The following FBXO32 variants were observed in gnomAD, a reference collection of about 807,000 sequenced individuals.
FBXO32 encodes the protein F-box only protein 32.
Under a neutral mutation model 48.3 loss-of-function variants are expected in FBXO32, and 15 were observed. The ratio of observed to expected loss-of-function variants is 0.31; its 90% CI spans 0.21 to 0.48. FBXO32 has a LOEUF of 0.48. Among genes scored for constraint, FBXO32 ranks in the 20% least tolerant of loss-of-function variants. The pLI, the probability that FBXO32 is intolerant of heterozygous loss-of-function variation, is 0.99. For missense variants in FBXO32, 309 were observed against 432.7 expected, an observed-to-expected ratio of 0.71 and a Z score of 2.54; for synonymous variants, 154 against 165.9, an observed-to-expected ratio of 0.93 and a Z score of 0.55.
At chr8:123,504,217 A>G (rs1586986689) in intron 8 of FBXO32, among the ~76,000 whole-genome samples, 2 of 152,212 alleles carry the variant, frequency 1.3e-5, no homozygotes, top group East Asian at 3.8e-4. Flanking sequence ...TAATCTTGAC[A>G]AATTACATGA....
chr8:123,505,791 G>A (rs1816604418), intron 7 of FBXO32, among the ~76,000 whole-genome samples: 1 of 152,250 alleles, frequency 6.6e-6, no homozygotes, highest in Non-Finnish European at 1.5e-5. Context: ...GTAAGTTATT[G>A]TGTTATAGAA....
At chr8:123,532,367 A>G (rs1400428477) in intron 3 of FBXO32, among the ~76,000 whole-genome samples, 1 of 152,128 alleles carries the variant, frequency 6.6e-6, no homozygotes, top group Non-Finnish European at 1.5e-5. Context: ...ACTGTAACGT[A>G]CTCCTGGGAG....
At chr8:123,531,764 T>C (rs1817214688) in intron 4 of FBXO32, 134 bp downstream of exon 4, 1 of 975,920 alleles carries the variant, frequency 1.0e-6, no homozygotes, top group East Asian at 2.6e-5. Flanking sequence ...GATTGAGGGG[T>C]CTGTTTTCTG....
chr8:123,534,735 T>G lies in FBXO32; in HGVS notation c.196A>C (p.Lys66Gln). Residue 66 changes from lysine to glutamine, a missense_variant, in exon 2 of 9, where the codon AAG becomes CAG. Lys to Gln is a moderately conservative substitution (Grantham distance 53). Coordinates refer to ENST00000517956, the MANE Select transcript of FBXO32 (RefSeq NM_058229.4). Reference protein sequence around the residue: ...NYDVAAKKRKKDMLNSKTKTQ... With the variant: ...NYDVAAKKRKQDMLNSKTKTQ... ...TTGGTTTTGCTATTCAGCATGTCCTTCTTTCTCTTCTTGGCTGCAACATCA... is the reference window on the plus strand; with the variant it reads ...TTGGTTTTGCTATTCAGCATGTCCTGCTTTCTCTTCTTGGCTGCAACATCA... 1 of 1,613,912 alleles carries G rather than the reference T, an allele frequency of 6.2e-7. No homozygotes were observed. Among genetic ancestry groups the G allele is most frequent in the Non-Finnish European group, 8.5e-7 (1 of 1,179,840 alleles).
At position 123,501,383 on chromosome 8, in the gene FBXO32, A is replaced by ACAAAAAAAAC. The variant is rs1816483221; in HGVS notation, c.*1989_*1990insGTTTTTTTTG. On this transcript the variant is annotated 3_prime_UTR_variant, in exon 9 of 9. Coordinates refer to ENST00000517956, the MANE Select transcript of FBXO32 (RefSeq NM_058229.4). ...GATTGCAAAAAAAAAACAAAAAAAAACAAAACAAAACACACACCTTAGATA... is the reference window on the plus strand; with the variant it reads ...GATTGCAAAAAAAAAACAAAAAAAAACAAAAAAAACCAAAACAAAACACACACCTTAGATA... 1 of 151,810 alleles carries ACAAAAAAAAC rather than the reference A, an allele frequency of 6.6e-6. No individual in the cohort carries two copies. Among genetic ancestry groups the ACAAAAAAAAC allele is most frequent in the South Asian group, 2.1e-4 (1 of 4,822 alleles). The allele number at this position is 151,810 out of a possible 1,614,324, so 9.4% of individuals were successfully genotyped here.
rs187198065 is a variant in FBXO32, at chr8:123,513,793, G to C, written c.467-411C>G. On this transcript the variant is annotated intron_variant, in intron 5 of 8. Coordinates refer to ENST00000517956, the MANE Select transcript of FBXO32 (RefSeq NM_058229.4). This position sits in a 1 kb window ranked among gnomAD's most constrained non-coding sequence, Gnocchi z 4.3. ...CTGGCTGACTCTCTGTGTGATTATGGACAAATCACTTCTCCTCATGGGCCT... is the reference window on the plus strand; with the variant it reads ...CTGGCTGACTCTCTGTGTGATTATGCACAAATCACTTCTCCTCATGGGCCT... 6.6e-6 allele frequency among the ~76,000 whole-genome samples: 1 copy of C among 152,242 alleles called. No homozygotes were observed. Among genetic ancestry groups the C allele is most frequent in the African/African-American group, 2.4e-5 (1 of 41,524 alleles).
chr8:123,528,846 T>C (rs1017449329), intron 4 of FBXO32, among the ~76,000 whole-genome samples: 3 of 152,110 alleles, frequency 2.0e-5, no homozygotes, highest in African/African-American at 7.2e-5. Context: ...TTTGTTTTTG[T>C]TTTTTTCCCA....
chr8:123,532,048 A>T, intron 3 of FBXO32, 58 bp from the exon 4 acceptor site: 1 of 1,607,110 alleles, frequency 6.2e-7, no homozygotes. Context: ...TCACCCAAGT[A>T]AGAATGAGCC....
In FBXO32 at chr8:123,541,110, C is replaced by A. The variant is rs761170084; in HGVS notation, c.-96G>T. The A allele has an allele frequency of 1.6e-5, 11 of 683,740 alleles. No homozygotes were observed. The highest frequency in any genetic ancestry group is 2.3e-5 in the Non-Finnish European group (11 of 470,882). 42.4% of individuals were successfully genotyped at this position (683,740 alleles called of 1,614,324 possible). A position where few individuals can be genotyped will look rare whatever the true frequency, so the allele number is the denominator to read the frequency against. The stretch of plus-strand genomic sequence containing the variant: ...GGCGGATGCTCGGGGTGCAGGGGCC[C>A]GCGACGGGGGCGGCGGGGCGGCGGG... On this transcript the variant is annotated 5_prime_UTR_variant, in exon 1 of 9. Transcript: ENST00000517956.
intron 4 of FBXO32, among the ~76,000 whole-genome samples, chr8:123,514,713 C>T (rs7824506): frequency 0.012 from 1,856 of 152,342 alleles, 26 homozygotes; most frequent in African/African-American, 0.043. Context: ...TCTGCCCCCG[C>T]TTGAACTTCT....
chr8:123,515,187 A>G (rs1360549208), intron 4 of FBXO32, among the ~76,000 whole-genome samples: 6 of 152,212 alleles, frequency 3.9e-5, no homozygotes, highest in Non-Finnish European at 7.4e-5. Flanking sequence ...GAATGCACAT[A>G]AAGCCCTCAG....
Position 123,525,410 on chromosome 8 carries a change from G to C in FBXO32, c.372+6488C>G, listed in dbSNP as rs1174237367. 2.0e-5 allele frequency among the ~76,000 whole-genome samples: 3 copies of C among 152,136 alleles called. No homozygotes were observed. The highest frequency in any genetic ancestry group is 4.4e-5 in the Non-Finnish European group (3 of 68,028). ...CTCAAGTTCTCCGTGACCTTTCTGGGCTGTTAATGGTAGCTACAGTTACTG... is the reference window on the plus strand; with the variant it reads ...CTCAAGTTCTCCGTGACCTTTCTGGCCTGTTAATGGTAGCTACAGTTACTG... On this transcript the variant is annotated intron_variant, in intron 4 of 8. Coordinates refer to ENST00000517956, the MANE Select transcript of FBXO32 (RefSeq NM_058229.4). This position sits in a 1 kb window ranked among gnomAD's most constrained non-coding sequence, Gnocchi z 4.3.
chr8:123,504,154 CA>C (rs1816561526), intron 8 of FBXO32, among the ~76,000 whole-genome samples: 3 of 151,696 alleles, frequency 2.0e-5, no homozygotes, highest in Admixed American at 2.0e-4. Context: ...ATGGTTCTAG[CA>C]TAAATAAGTG....
chr8:123,519,832 G>T (rs537515757), intron 4 of FBXO32, among the ~76,000 whole-genome samples: 50 of 152,240 alleles, frequency 3.3e-4, no homozygotes, highest in African/African-American at 1.2e-3. Flanking sequence ...CTGTTGCCCA[G>T]GCTGGAGTGT....
rs552826501 is a variant in FBXO32, at chr8:123,506,693, G to A, written c.652-119C>T. ...CCCTCAAGGCAGTTTATTGATAAGA[G>A]GTCGAAAGCAGTAGTAAATCTCCCC... On this transcript the variant is annotated intron_variant, in intron 6 of 8. Coordinates refer to ENST00000517956, the MANE Select transcript of FBXO32 (RefSeq NM_058229.4). This position sits in a 1 kb window ranked among gnomAD's most constrained non-coding sequence, Gnocchi z 4.0. The A allele has an allele frequency of 3.5e-4, 283 of 807,780 alleles. No homozygotes were observed. The South Asian group carries it at 5.0e-3, about 14-fold the overall frequency. 50.0% of individuals were successfully genotyped at this position (807,780 alleles called of 1,614,324 possible). A position where few individuals can be genotyped will look rare whatever the true frequency, so the allele number is the denominator to read the frequency against.
intron 6 of FBXO32, among the ~76,000 whole-genome samples, chr8:123,511,413 G>T (rs1287155685): frequency 3.3e-5 from 5 of 152,104 alleles, no homozygotes; most frequent in Admixed American, 6.6e-5. Context: ...GCCAGGAGGG[G>T]TCCTTGGAAG....
At chr8:123,508,118 C>T (rs1003523387) in intron 6 of FBXO32, among the ~76,000 whole-genome samples, 4 of 152,126 alleles carry the variant, frequency 2.6e-5, no homozygotes, top group Non-Finnish European at 5.9e-5. Context: ...GTTCTGTGAC[C>T]TCTGAGAGGT....
chr8:123,504,890 T>A, intron 7 of FBXO32, 143 bp from the exon 8 acceptor site: 1 of 688,150 alleles, frequency 1.5e-6, no homozygotes, highest in Non-Finnish European at 2.4e-6. Flanking sequence ...ACTGTCACTA[T>A]ATAAAGAAGT....
chr8:123,507,438 G>GGTGTGTGTGTGTGTGTGT (rs200031056), intron 6 of FBXO32, among the ~76,000 whole-genome samples: 1 of 139,802 alleles, frequency 7.2e-6, no homozygotes, highest in African/African-American at 2.7e-5. Flanking sequence ...TCTGTGCTAG[G>GGTGTGTGTGTGTGTGTGT]GTGTGTGTGT....
Sources: allele counts gnomAD v4.1 joint callset (sites outside exome capture counted in the v4.1 genomes callset), GRCh38; gene constraint gnomAD v4.1.1; non-coding constraint Gnocchi (gnomAD v3.1); transcripts MANE v1.5; gene names NCBI Gene and HGNC (gene_info 2026-07-23, HGNC 2026-07-21).